The following CSMD3 variants were observed in gnomAD, a reference collection of about 807,000 sequenced individuals.
The protein encoded by CSMD3 is CUB and sushi domain-containing protein 3.
CSMD3 carries 177 observed loss-of-function variants against 435.2 expected under a neutral mutation model. The observed-to-expected ratio is 0.41, with a 90% CI of 0.36 to 0.46. The LOEUF (loss-of-function observed/expected upper bound fraction) is 0.46. CSMD3 is among the 20% of genes least tolerant of loss of function. The probability of loss-of-function intolerance (pLI) is 0.34; values close to 1 mark genes in which losing one functional copy is unlikely to be tolerated. For missense variants in CSMD3, 4,265 were observed against 4,504.6 expected (o/e 0.95, Z 1.52); for synonymous variants, 1,656 against 1,520.5 (o/e 1.09, Z -2.07).
Position 113,389,178 on chromosome 8 carries a change from C to A in CSMD3, c.178+47499G>T, listed in dbSNP as rs1205634702. On this transcript the variant is annotated intron_variant, in intron 1 of 70. Coordinates refer to ENST00000297405, the MANE Select transcript of CSMD3 (RefSeq NM_198123.2). ...CCACTGTTAACAGCATGGAATAGAC[C>A]AAGAACACATATTCAGGACAAAAGG... Among the ~76,000 whole-genome samples, 4 of 151,496 alleles carry A rather than the reference C, an allele frequency of 2.6e-5. No individual in the cohort carries two copies. The East Asian group carries it at 5.8e-4, about 22-fold the overall frequency.
chr8:112,493,713 G>C (rs1820931416), intron 30 of CSMD3, among the ~76,000 whole-genome samples: 1 of 152,116 alleles, frequency 6.6e-6, no homozygotes, highest in Admixed American at 6.5e-5. Context: ...AGAATAATTT[G>C]AAAATATGTA....
intron 30 of CSMD3, among the ~76,000 whole-genome samples, chr8:112,499,210 TA>T (rs1821678748): frequency 6.6e-6 from 1 of 151,030 alleles, no homozygotes; most frequent in African/African-American, 2.4e-5. Flanking sequence ...AAGCAAAAAA[TA>T]AAAGAAAAAG....
chr8:113,037,209 A>G, intron 5 of CSMD3, among the ~76,000 whole-genome samples: 1 of 152,130 alleles, frequency 6.6e-6, no homozygotes, highest in East Asian at 1.9e-4. Flanking sequence ...AATCAGGTAT[A>G]TATTAACATT....
At chr8:112,855,118 A>G (rs139372514) in intron 11 of CSMD3, among the ~76,000 whole-genome samples, 384 of 152,322 alleles carry the variant, frequency 2.5e-3, no homozygotes, top group Middle Eastern at 6.8e-3. Context: ...GTGGTTAAAT[A>G]AAATATAAAA....
chr8:112,758,404 C>G (rs1384107205), intron 13 of CSMD3, among the ~76,000 whole-genome samples: 1 of 151,508 alleles, frequency 6.6e-6, no homozygotes, highest in Admixed American at 6.6e-5. Context: ...AGTGCAACTC[C>G]CAAAATTTAA....
At chr8:113,390,373 T>A (rs2094456608) in intron 1 of CSMD3, among the ~76,000 whole-genome samples, 1 of 151,814 alleles carries the variant, frequency 6.6e-6, no homozygotes, top group Non-Finnish European at 1.5e-5. Flanking sequence ...TCTCCTAACT[T>A]CTTAAATTGA....
intron 1 of CSMD3, among the ~76,000 whole-genome samples, chr8:113,319,727 C>G (rs907101376): frequency 6.6e-6 from 1 of 152,008 alleles, no homozygotes; most frequent in Admixed American, 6.6e-5. Context: ...CAAGTAGTTA[C>G]TCTTGTAATT....
chr8:112,963,293 G>C (rs1234701479), intron 7 of CSMD3, among the ~76,000 whole-genome samples: 2 of 151,892 alleles, frequency 1.3e-5, no homozygotes, highest in Non-Finnish European at 2.9e-5. Context: ...GTTCCTTATG[G>C]TTTCTTTACA....
At position 112,223,923 on chromosome 8, in the gene CSMD3, C is replaced by T. The variant is rs1270163788; in HGVS notation, c.*848G>A. ...AAATAATAATTTTTCTAGATAATTT[C>T]TGCCAGCCAAATGGTTTTTGGGTGA... On this transcript the variant is annotated 3_prime_UTR_variant, in exon 71 of 71. Transcript: ENST00000297405. The T allele has an allele frequency of 4.6e-5, 7 of 152,068 alleles. No individual in the cohort carries two copies. The highest frequency in any genetic ancestry group is 1.7e-4 in the African/African-American group (7 of 41,428). 9.4% of individuals were successfully genotyped at this position (152,068 alleles called of 1,614,324 possible). A position where few individuals can be genotyped will look rare whatever the true frequency, so the allele number is the denominator to read the frequency against.
At chr8:112,631,411 T>C (rs1260209482) in intron 22 of CSMD3, among the ~76,000 whole-genome samples, 1 of 152,050 alleles carries the variant, frequency 6.6e-6, no homozygotes, top group Non-Finnish European at 1.5e-5. Context: ...CCTGGTCTAT[T>C]GTATAAAAAA....
At chr8:112,914,525 C>T (rs886506088) in intron 10 of CSMD3, among the ~76,000 whole-genome samples, 3 of 151,460 alleles carry the variant, frequency 2.0e-5, no homozygotes, top group Non-Finnish European at 4.4e-5. Flanking sequence ...GAACATACTT[C>T]ATGCCTTAAT....
intron 24 of CSMD3, among the ~76,000 whole-genome samples, chr8:112,563,456 C>A (rs973971390): frequency 2.0e-5 from 3 of 150,150 alleles, no homozygotes; most frequent in Middle Eastern, 7.0e-3. Context: ...AAAGTTCTTA[C>A]TAGAAAATAC....
intron 1 of CSMD3, among the ~76,000 whole-genome samples, chr8:113,339,968 A>G (rs1343366262): frequency 6.6e-6 from 1 of 152,052 alleles, no homozygotes; most frequent in African/African-American, 2.4e-5. Flanking sequence ...TTATTAAAAT[A>G]CTATAATCAA....
At chr8:113,080,825 ACT>A (rs1387086717) in intron 5 of CSMD3, among the ~76,000 whole-genome samples, 3 of 152,122 alleles carry the variant, frequency 2.0e-5, no homozygotes, top group Admixed American at 1.3e-4. Flanking sequence ...CACAATAAAA[ACT>A]CACGATATTT....
intron 25 of CSMD3, among the ~76,000 whole-genome samples, chr8:112,552,978 C>T (rs1470402623): frequency 6.6e-6 from 1 of 152,096 alleles, no homozygotes; most frequent in Non-Finnish European, 1.5e-5. Flanking sequence ...CTCAAAACCT[C>T]TGAGTTAGGA....
intron 3 of CSMD3, among the ~76,000 whole-genome samples, chr8:113,176,295 A>G (rs1255130909): frequency 6.6e-6 from 1 of 152,126 alleles, no homozygotes; most frequent in Non-Finnish European, 1.5e-5. Flanking sequence ...TCATAAAGAC[A>G]GTTAAGATGT....
chr8:112,229,063 G>A (rs1812839447), intron 69 of CSMD3, among the ~76,000 whole-genome samples, 172 bp from the exon 70 acceptor site: 1 of 152,272 alleles, frequency 6.6e-6, no homozygotes, highest in East Asian at 1.9e-4. Flanking sequence ...TTTGCACAGT[G>A]CCTCTTAGAA....
At chr8:113,086,623 T>C (rs2089791027) in intron 5 of CSMD3, among the ~76,000 whole-genome samples, 1 of 152,212 alleles carries the variant, frequency 6.6e-6, no homozygotes, top group Non-Finnish European at 1.5e-5. Context: ...TTGCATTTCA[T>C]CAGGCATATC....
intron 66 of CSMD3, 77 bp downstream of exon 66, chr8:112,241,643 C>T (rs950559785): frequency 2.2e-6 from 2 of 928,304 alleles, no homozygotes; most frequent in Admixed American, 1.8e-5. Flanking sequence ...TTTTTAAATA[C>T]ACAGTTACTA....
Sources: gnomAD v4.1 joint callset for allele counts (sites outside exome capture counted in the v4.1 genomes callset) on GRCh38, gnomAD v4.1.1 for gene constraint, MANE v1.5 for transcripts, NCBI Gene and HGNC (gene_info 2026-07-23, HGNC 2026-07-21) for gene names.